Variants in GPHN observed in about 807,000 individuals in gnomAD.
The protein encoded by GPHN is gephyrin.
GPHN carries 17 observed loss-of-function variants against 95.5 expected under a neutral mutation model. The observed-to-expected ratio is 0.18, with a 90% CI of 0.12 to 0.27. The LOEUF (loss-of-function observed/expected upper bound fraction) is 0.27, where lower values mean the gene tolerates loss of function less well. Ranked by LOEUF, GPHN falls within the 10% of genes least tolerant of loss-of-function variation. The probability of loss-of-function intolerance (pLI) is 1.00; values close to 1 mark genes in which losing one functional copy is unlikely to be tolerated. For synonymous variants in GPHN, 320 were observed against 322.5 expected (o/e 0.99, Z 0.08); for missense variants, 660 against 978.1 (o/e 0.67, Z 4.34).
chr14:66,601,677 A>C (rs568112851), intron 1 of GPHN, among the ~76,000 whole-genome samples: 19 of 152,088 alleles, frequency 1.2e-4, no homozygotes, highest in African/African-American at 4.3e-4. Flanking sequence ...ATGGAAGAAG[A>C]AAAACCAATA....
At chr14:66,914,921 C>T (rs1261230096) in intron 5 of GPHN, among the ~76,000 whole-genome samples, 1 of 151,908 alleles carries the variant, frequency 6.6e-6, no homozygotes, top group Non-Finnish European at 1.5e-5. Flanking sequence ...ATTCTGACTG[C>T]CAGAACTAAA....
chr14:66,564,192 G>C (rs982020802), intron 1 of GPHN, among the ~76,000 whole-genome samples: 1 of 151,926 alleles, frequency 6.6e-6, no homozygotes, highest in Non-Finnish European at 1.5e-5. Flanking sequence ...TAGATTTTTG[G>C]ATTTTATGGA....
chr14:67,079,965 AT>A (rs1219073009), intron 11 of GPHN, among the ~76,000 whole-genome samples: 3 of 152,014 alleles, frequency 2.0e-5, no homozygotes, highest in Admixed American at 6.6e-5. Context: ...GGATCATATG[AT>A]AGTTCTATTT....
the GPHN span, among the ~76,000 whole-genome samples, chr14:67,370,605 A>C: frequency 2.0e-5 from 3 of 152,210 alleles, no homozygotes; most frequent in African/African-American, 7.2e-5. Flanking sequence ...CATCTCAACA[A>C]ATCAGGTGAA....
At chr14:67,491,579 C>T in the GPHN span, among the ~76,000 whole-genome samples, 1 of 152,280 alleles carries the variant, frequency 6.6e-6, no homozygotes, top group Non-Finnish European at 1.5e-5. Flanking sequence ...ATGACAGGGA[C>T]CCGGGACAAA....
the GPHN span, chr14:67,340,594 A>G: frequency 8.1e-7 from 1 of 1,229,390 alleles, no homozygotes; most frequent in African/African-American, 1.5e-5. Context: ...CATTTGTATA[A>G]CAGTTATTTT....
At chr14:67,424,011 G>A in the GPHN span, among the ~76,000 whole-genome samples, 1 of 152,210 alleles carries the variant, frequency 6.6e-6, no homozygotes, top group African/African-American at 2.4e-5. Context: ...GCCAAGGCAG[G>A]CAGATCACCT....
At chr14:66,960,483 A>G (rs184397743) in intron 8 of GPHN, among the ~76,000 whole-genome samples, 102 of 151,990 alleles carry the variant, frequency 6.7e-4, no homozygotes, top group Non-Finnish European at 1.2e-3. Context: ...TACTTTTTTC[A>G]AGCTTGTATT....
the GPHN span, among the ~76,000 whole-genome samples, chr14:67,257,644 G>A: frequency 1.3e-5 from 2 of 151,246 alleles, no homozygotes; most frequent in African/African-American, 2.4e-5. Context: ...ACATACACAC[G>A]TATTTTATAT....
chr14:66,893,086 G>A (rs371470363), intron 5 of GPHN, among the ~76,000 whole-genome samples: 1 of 152,132 alleles, frequency 6.6e-6, no homozygotes, highest in Admixed American at 6.6e-5. Flanking sequence ...CAACACAGGA[G>A]AGCTGACACC....
chr14:67,717,645 G>A, the GPHN span, among the ~76,000 whole-genome samples: 7 of 152,250 alleles, frequency 4.6e-5, no homozygotes, highest in East Asian at 5.8e-4. Context: ...AATGCCAGGA[G>A]ACATTTTTGG....
chr14:66,604,855 C>G (rs565241983), intron 1 of GPHN, among the ~76,000 whole-genome samples: 1 of 122,006 alleles, frequency 8.2e-6, no homozygotes, highest in Non-Finnish European at 1.7e-5. Context: ...CCCCCTCCCT[C>G]CCCCCTCCCT....
At chr14:66,715,221 C>T (rs866650428) in intron 2 of GPHN, among the ~76,000 whole-genome samples, 81 of 151,966 alleles carry the variant, frequency 5.3e-4, no homozygotes, top group Non-Finnish European at 6.8e-4. Context: ...TGTATCTTTC[C>T]AGGGAATTAT....
intron 1 of GPHN, among the ~76,000 whole-genome samples, chr14:66,663,378 G>C (rs1052773630): frequency 6.6e-6 from 1 of 152,122 alleles, no homozygotes; most frequent in African/African-American, 2.4e-5. Context: ...CCCAATCTAA[G>C]CTTCATAAGC....
the GPHN span, chr14:67,199,551 G>A: frequency 6.2e-7 from 1 of 1,605,564 alleles, no homozygotes; most frequent in African/African-American, 1.3e-5. Context: ...GCCATGAATG[G>A]GCAGTACCTC....
At chr14:66,823,434 T>C (rs994637504) in intron 3 of GPHN, 2 of 152,230 alleles carry the variant, frequency 1.3e-5, no homozygotes, top group Non-Finnish European at 2.9e-5. Context: ...TAAGCACCTG[T>C]ATTATAATAA....
chr14:66,932,358 T>C (rs2066848453), intron 8 of GPHN, among the ~76,000 whole-genome samples: 1 of 145,684 alleles, frequency 6.9e-6, no homozygotes, highest in East Asian at 2.2e-4. Context: ...CCAAGGCCTG[T>C]GGCAACTATT....
the GPHN span, among the ~76,000 whole-genome samples, chr14:67,523,807 C>T: frequency 5.3e-5 from 8 of 152,108 alleles, no homozygotes; most frequent in African/African-American, 1.2e-4. Flanking sequence ...AAAGAACAGA[C>T]GTGGGAAGGG....
intron 1 of GPHN, among the ~76,000 whole-genome samples, chr14:66,624,784 C>G (rs118006703): frequency 0.012 from 1,845 of 152,318 alleles, 22 homozygotes; most frequent in Non-Finnish European, 0.018. Context: ...ACTATCTGCT[C>G]TTTTCAGAAA....
Sources: gnomAD v4.1 joint callset for allele counts (sites outside exome capture counted in the v4.1 genomes callset) on GRCh38, gnomAD v4.1.1 for gene constraint, MANE v1.5 for transcripts, NCBI Gene and HGNC (gene_info 2026-07-23, HGNC 2026-07-21) for gene names.